Variants in RAB37 observed in about 807,000 individuals in gnomAD.
RAB37 encodes the protein ras-related protein Rab-37.
RAB37 carries 29 observed loss-of-function variants against 33.1 expected under a neutral mutation model. The ratio of observed to expected loss-of-function variants is 0.88; its 90% CI spans 0.65 to 1.20. RAB37 has a LOEUF of 1.20. Ranked by LOEUF, RAB37 falls within the 50% of genes most tolerant of loss-of-function variation. The probability of loss-of-function intolerance (pLI) is 0.00; values close to 1 mark genes in which losing one functional copy is unlikely to be tolerated. For missense variants in RAB37, 299 were observed against 301.1 expected (o/e 0.99, Z 0.05); for synonymous variants, 128 against 119.5 (o/e 1.07, Z -0.47).
intron 5 of RAB37, among the ~76,000 whole-genome samples, chr17:74,743,582 C>T (rs1239158685): frequency 6.6e-6 from 1 of 152,220 alleles, no homozygotes; most frequent in Non-Finnish European, 1.5e-5. Context: ...CTGTGATTCA[C>T]GAGTGTGTTT....
chr17:74,682,445 A>G lies in RAB37; in HGVS notation c.72+10787A>G, dbSNP rs562929645. The stretch of plus-strand genomic sequence containing the variant: ...TCACATCCTCACAGCTCCCAATTCC[A>G]AACAAAGTCCTAGACCCAATACTCA... On this transcript the variant is annotated intron_variant, in intron 1 of 7. Coordinates refer to the RAB37 transcript ENST00000340415. Among the ~76,000 whole-genome samples, 4 of 152,240 alleles carry G rather than the reference A, an allele frequency of 2.6e-5. No individual in the cohort carries two copies. The East Asian group carries it at 7.7e-4, about 29-fold the overall frequency.
rs190817750 is a variant in RAB37, at chr17:74,730,034, C to T, written c.183+668C>T. On this transcript the variant is annotated intron_variant, in intron 2 of 7. Transcript: ENST00000340415. This position sits in a 1 kb window ranked among gnomAD's most constrained non-coding sequence, Gnocchi z 4.4. ...CCCAGTGCCCTCGGCTTTTTCTGCC[C>T]GCAGCCCCTCTGCGAGACAAGGGAT... is the stretch of plus-strand genomic sequence containing the variant. Among the ~76,000 whole-genome samples the T allele has an allele frequency of 2.0e-5, 3 of 152,228 alleles. No homozygotes were observed. Among genetic ancestry groups the T allele is most frequent in the Admixed American group, 6.5e-5 (1 of 15,298 alleles).
intron 1 of RAB37, chr17:74,704,630 C>G: frequency 6.2e-7 from 1 of 1,614,204 alleles, no homozygotes; most frequent in South Asian, 1.1e-5. Flanking sequence ...CACCCGGTCC[C>G]TCTTCACCTC....
intron 1 of RAB37, among the ~76,000 whole-genome samples, chr17:74,724,356 G>A (rs913251517): frequency 6.6e-6 from 1 of 152,228 alleles, no homozygotes; most frequent in African/African-American, 2.4e-5. Flanking sequence ...CTTTCCAAAG[G>A]AGGCAATCAG....
At chr17:74,710,135 C>T (rs957523329) in intron 1 of RAB37, among the ~76,000 whole-genome samples, 2 of 152,166 alleles carry the variant, frequency 1.3e-5, no homozygotes, top group East Asian at 1.9e-4. Context: ...CCCACCACCA[C>T]GCCCAGCTAA....
intron 1 of RAB37, among the ~76,000 whole-genome samples, chr17:74,722,516 A>T (rs1332423731): frequency 1.3e-5 from 2 of 152,214 alleles, no homozygotes; most frequent in Non-Finnish European, 2.9e-5. Flanking sequence ...GAAGACTTAA[A>T]GTCAGCTGCT....
chr17:74,672,789 C>T (rs2031734741), intron 1 of RAB37: 1 of 152,196 alleles, frequency 6.6e-6, no homozygotes, highest in South Asian at 2.1e-4. Flanking sequence ...AAAGCCCTGA[C>T]CCTAGATTGG....
chr17:74,693,275 T>A (rs1253853590), intron 1 of RAB37, among the ~76,000 whole-genome samples: 1 of 152,174 alleles, frequency 6.6e-6, no homozygotes, highest in Non-Finnish European at 1.5e-5. Context: ...AAGCCTTATC[T>A]TGTTAGAAGG....
At chr17:74,703,198 C>A (rs945515303) in intron 1 of RAB37, 3 of 1,419,812 alleles carry the variant, frequency 2.1e-6, no homozygotes, top group South Asian at 2.4e-5. Flanking sequence ...GCCCATGAGC[C>A]CACCCGCAGC....
chr17:74,737,175 C>A, upstream of RAB37: 2 of 898,030 alleles, frequency 2.2e-6, no homozygotes, highest in Non-Finnish European at 3.1e-6. Context: ...TGAGGGGTCC[C>A]GGTCGAGGGA....
chr17:74,717,052 T>C (rs536571825), intron 1 of RAB37, among the ~76,000 whole-genome samples: 44 of 152,126 alleles, frequency 2.9e-4, no homozygotes, highest in Non-Finnish European at 5.9e-4. Flanking sequence ...GGAGAATCAC[T>C]TGAACCTGGG....
At chr17:74,743,427 G>A in intron 5 of RAB37, 87 bp downstream of exon 5, 3 of 1,368,304 alleles carry the variant, frequency 2.2e-6, no homozygotes, top group Non-Finnish European at 2.1e-6. Flanking sequence ...CCTGTGGAAA[G>A]CGGGTGGAGC....
intron 1 of RAB37, among the ~76,000 whole-genome samples, chr17:74,688,375 C>A (rs1325220480): frequency 6.6e-6 from 1 of 151,886 alleles, no homozygotes; most frequent in Non-Finnish European, 1.5e-5. Context: ...CATGGTGAAA[C>A]CCTGTCTCTA....
chr17:74,700,959 A>C (rs1039632517), intron 1 of RAB37, among the ~76,000 whole-genome samples: 4 of 152,116 alleles, frequency 2.6e-5, no homozygotes, highest in African/African-American at 9.7e-5. Context: ...TCATTAGAAG[A>C]GATCAGGACA....
In RAB37 at chr17:74,729,159, C is replaced by T. The variant is rs1598311615; in HGVS notation, c.73-97C>T. 1.1e-5 allele frequency: 9 copies of T among 795,322 alleles called. No homozygotes were observed. In the East Asian group the frequency reaches 1.5e-4, roughly 13 times the overall value. The allele number at this position is 795,322 out of a possible 1,614,324, so 49.3% of individuals were successfully genotyped here. A position where few individuals can be genotyped will look rare whatever the true frequency, so the allele number is the denominator to read the frequency against. On this transcript the variant is annotated intron_variant, in intron 1 of 7. Transcript: ENST00000340415. This position sits in a 1 kb window ranked among gnomAD's most constrained non-coding sequence, Gnocchi z 4.2. ...TGTGTGTGTGCATGTTGTGCACATG[C>T]GTGCTTAGAAAGAATCCACTCCCAC... is the stretch of plus-strand genomic sequence containing the variant.
At chr17:74,712,779 C>T (rs2034064974) in intron 1 of RAB37, 4 of 1,611,430 alleles carry the variant, frequency 2.5e-6, no homozygotes, top group Non-Finnish European at 3.4e-6. Flanking sequence ...CCACCTCCTC[C>T]TGCTTGCTAA....
At chr17:74,722,221 T>G (rs1412277384) in intron 1 of RAB37, among the ~76,000 whole-genome samples, 2 of 150,348 alleles carry the variant, frequency 1.3e-5, no homozygotes, top group Non-Finnish European at 2.9e-5. Context: ...AGGCAGAGCT[T>G]GCAGTGAGTC....
At chr17:74,728,486 G>A (rs1406771988) in intron 1 of RAB37, among the ~76,000 whole-genome samples, 2 of 151,868 alleles carry the variant, frequency 1.3e-5, no homozygotes, top group East Asian at 3.9e-4. Context: ...GTGTTTCTGT[G>A]TGTACACGTT....
intron 1 of RAB37, among the ~76,000 whole-genome samples, chr17:74,698,155 G>A (rs977795999): frequency 1.3e-5 from 2 of 152,224 alleles, no homozygotes; most frequent in African/African-American, 4.8e-5. Context: ...AAGGACGGAG[G>A]TGCAGGGCAG....
Sources: allele counts gnomAD v4.1 joint callset (sites outside exome capture counted in the v4.1 genomes callset), GRCh38; gene constraint gnomAD v4.1.1; non-coding constraint Gnocchi (gnomAD v3.1); transcripts MANE v1.5; gene names NCBI Gene and HGNC (gene_info 2026-07-23, HGNC 2026-07-21).